Variants in TFB2M observed in about 807,000 individuals in gnomAD.
TFB2M encodes the protein dimethyladenosine transferase 2, mitochondrial.
A neutral mutation model predicts 41.3 loss-of-function variants in TFB2M; 44 were observed. That is an observed-to-expected ratio of 1.07 (90% confidence interval 0.84 to 1.37). The LOEUF is 1.37. Ranked by LOEUF, TFB2M falls within the 40% of genes most tolerant of loss-of-function variation. The pLI is 0.00. For synonymous variants in TFB2M, 188 were observed against 176.8 expected, an observed-to-expected ratio of 1.06 and a Z score of -0.50; for missense variants, 496 against 490.2, an observed-to-expected ratio of 1.01 and a Z score of -0.11.
intron 6 of TFB2M, among the ~76,000 whole-genome samples, chr1:246,545,099 C>G (rs948602955): frequency 1.3e-5 from 2 of 152,186 alleles, no homozygotes; most frequent in South Asian, 2.1e-4. Context: ...AGCCACCGTG[C>G]CCGGCCCACA....
chr1:246,563,202 CT>C (rs34409344), intron 2 of TFB2M, among the ~76,000 whole-genome samples: 48,224 of 143,050 alleles, frequency 0.34, 8,569 homozygotes, highest in South Asian at 0.51. Flanking sequence ...TCTGAACACA[CT>C]TTTTTTTTTT....
intron 5 of TFB2M, 122 bp from the exon 6 acceptor site, chr1:246,548,729 A>C: frequency 4.8e-6 from 4 of 838,104 alleles, no homozygotes; most frequent in Non-Finnish European, 7.4e-6. Context: ...AATTGGATTT[A>C]AAAGAAACAT....
At chr1:246,550,631 C>A (rs962566609) in intron 5 of TFB2M, among the ~76,000 whole-genome samples, 3 of 152,236 alleles carry the variant, frequency 2.0e-5, no homozygotes, top group African/African-American at 7.2e-5. Context: ...CGCCTGTAAT[C>A]CCAGCACTTT....
At chr1:246,544,930 C>CA (rs1658961130) in intron 6 of TFB2M, among the ~76,000 whole-genome samples, 3 of 152,048 alleles carry the variant, frequency 2.0e-5, no homozygotes, top group South Asian at 2.1e-4. Flanking sequence ...CTCAGCCTCC[C>CA]GAGTAGCTGG....
At chr1:246,547,586 A>G (rs1295854703) in intron 6 of TFB2M, among the ~76,000 whole-genome samples, 1 of 152,168 alleles carries the variant, frequency 6.6e-6, no homozygotes, top group African/African-American at 2.4e-5. Context: ...GTGTGAGAAA[A>G]AAACATAAGT....
chr1:246,565,079 C>T (rs1273716390), intron 1 of TFB2M, among the ~76,000 whole-genome samples: 2 of 152,200 alleles, frequency 1.3e-5, no homozygotes, highest in Non-Finnish European at 2.9e-5. Context: ...ACGGACTACA[C>T]GGATGCTTTA....
chr1:246,546,815 T>TA (rs34514473), intron 6 of TFB2M, among the ~76,000 whole-genome samples: 93,523 of 151,630 alleles, frequency 0.62, 30,872 homozygotes, highest in Middle Eastern at 0.78. Context: ...TGACAGGCCC[T>TA]AAAAACCTGT....
chr1:246,545,197 T>A (rs1241994480), intron 6 of TFB2M, among the ~76,000 whole-genome samples: 2 of 152,106 alleles, frequency 1.3e-5, no homozygotes, highest in Non-Finnish European at 2.9e-5. Context: ...TTGTGATGAG[T>A]AACCTTGAGG....
At chr1:246,559,286 C>CA (rs1294728451) in intron 2 of TFB2M, among the ~76,000 whole-genome samples, 2 of 152,110 alleles carry the variant, frequency 1.3e-5, no homozygotes, top group African/African-American at 4.8e-5. Flanking sequence ...CAGTGGCTCA[C>CA]ACGTGTAATA....
intron 5 of TFB2M, among the ~76,000 whole-genome samples, chr1:246,550,159 C>T (rs1213824646): frequency 6.6e-6 from 1 of 152,210 alleles, no homozygotes; most frequent in East Asian, 1.9e-4. Context: ...CTCAGAGGGC[C>T]TCTCTGAAGA....
At chr1:246,553,872 C>T (rs760386546) in intron 4 of TFB2M, among the ~76,000 whole-genome samples, 8 of 152,070 alleles carry the variant, frequency 5.3e-5, no homozygotes, top group African/African-American at 9.7e-5. Flanking sequence ...TATAGAATCT[C>T]GAGGAAACTC....
intron 4 of TFB2M, among the ~76,000 whole-genome samples, chr1:246,555,307 A>G (rs1251015549): frequency 3.9e-5 from 6 of 152,144 alleles, no homozygotes; most frequent in African/African-American, 1.4e-4. Context: ...CTAAAAATAG[A>G]CTGGGTACAG....
chr1:246,546,964 T>TACAC (rs1457521313), intron 6 of TFB2M, among the ~76,000 whole-genome samples: 2 of 74,964 alleles, frequency 2.7e-5, no homozygotes, highest in Non-Finnish European at 3.6e-5. Context: ...TATATGTATA[T>TACAC]ATACACACAC....
intron 2 of TFB2M, among the ~76,000 whole-genome samples, chr1:246,559,885 A>C (rs562308230): frequency 1.3e-5 from 2 of 152,296 alleles, no homozygotes; most frequent in Admixed American, 6.5e-5. Flanking sequence ...GAAACTGAGA[A>C]TACAACTAAG....
At position 246,544,583 on chromosome 1, in the gene TFB2M, T is replaced by C; in HGVS notation, c.957A>G (p.Ile319Met). 1 of 1,611,452 alleles carries C rather than the reference T, an allele frequency of 6.2e-7. No individual in the cohort carries two copies. The highest frequency in any genetic ancestry group is 8.5e-7 in the Non-Finnish European group (1 of 1,179,372). ...TKNLTPMNYNIFFHLLKHCFG... is the reference protein window; with the variant it reads ...TKNLTPMNYNMFFHLLKHCFG... ...AACAGTGCTTTAACAAGTGAAAAAA[T>C]ATATTATAGTTCATAGGTGTTAAGT... Residue 319 changes from isoleucine (I) to methionine (M), a missense_variant, in exon 7 of 8, where the codon ATA becomes ATG. Physicochemically the swap from Ile to Met is conservative, Grantham distance 10 (BLOSUM62 1). Transcript: ENST00000366514.
chr1:246,553,087 T>C (rs1558511986), intron 4 of TFB2M, among the ~76,000 whole-genome samples: 2 of 152,046 alleles, frequency 1.3e-5, no homozygotes, highest in Non-Finnish European at 2.9e-5. Context: ...CTGGGCATGG[T>C]GGCGCGTGCC....
At chr1:246,555,147 T>C (rs1263200543) in intron 4 of TFB2M, among the ~76,000 whole-genome samples, 4 of 152,104 alleles carry the variant, frequency 2.6e-5, no homozygotes, top group Non-Finnish European at 4.4e-5. Context: ...GAAATACCAC[T>C]TCATACCATT....
intron 4 of TFB2M, among the ~76,000 whole-genome samples, chr1:246,553,915 T>C (rs532198372): frequency 6.6e-6 from 1 of 152,228 alleles, no homozygotes; most frequent in East Asian, 1.9e-4. Context: ...AAAGAATAAA[T>C]TTGGATGAAT....
chr1:246,547,343 G>A (rs1659049146), intron 6 of TFB2M, among the ~76,000 whole-genome samples: 1 of 152,140 alleles, frequency 6.6e-6, no homozygotes, highest in African/African-American at 2.4e-5. Context: ...CTGAAAAACT[G>A]AGAAAGTATA....
Sources: allele counts gnomAD v4.1 joint callset (sites outside exome capture counted in the v4.1 genomes callset), GRCh38; gene constraint gnomAD v4.1.1; transcripts MANE v1.5; gene names NCBI Gene and HGNC (gene_info 2026-07-23, HGNC 2026-07-21).